Variants in DLG2 observed in about 807,000 individuals in gnomAD.
The protein encoded by DLG2 is disks large homolog 2.
A neutral mutation model predicts 132.5 loss-of-function variants in DLG2; 45 were observed. That is an observed-to-expected ratio of 0.34 (90% CI 0.27 to 0.44). The LOEUF is 0.44. DLG2 is among the 20% of genes least tolerant of loss of function. The probability of loss-of-function intolerance (pLI) is 1.00; values close to 1 mark genes in which losing one functional copy is unlikely to be tolerated. For synonymous variants in DLG2, 424 were observed against 419.6 expected (o/e 1.01, Z -0.13); for missense variants, 1,045 against 1,196.9 (o/e 0.87, Z 1.87).
intron 6 of DLG2, among the ~76,000 whole-genome samples, chr11:85,004,612 A>T (rs2058483775): frequency 6.6e-6 from 1 of 152,148 alleles, no homozygotes; most frequent in Non-Finnish European, 1.5e-5. Context: ...GATTCTGGAT[A>T]TTAGCCCTTT....
At chr11:84,882,384 G>A (rs1427734302) in intron 6 of DLG2, among the ~76,000 whole-genome samples, 1 of 152,028 alleles carries the variant, frequency 6.6e-6, no homozygotes, top group Non-Finnish European at 1.5e-5. Flanking sequence ...GAAAGTTTGG[G>A]ATTTTCTTTT....
At chr11:84,818,561 A>T (rs910208860) in intron 6 of DLG2, among the ~76,000 whole-genome samples, 2 of 151,892 alleles carry the variant, frequency 1.3e-5, no homozygotes, top group Non-Finnish European at 2.9e-5. Flanking sequence ...GACATTTACC[A>T]TGAAGCTAAA....
chr11:84,185,993 T>A (rs2096269317), intron 8 of DLG2, among the ~76,000 whole-genome samples: 1 of 152,184 alleles, frequency 6.6e-6, no homozygotes, highest in Non-Finnish European at 1.5e-5. Flanking sequence ...GTTATTCCAA[T>A]TGCCTGTGGC....
At chr11:84,375,410 G>A (rs999563565) in intron 7 of DLG2, among the ~76,000 whole-genome samples, 3 of 152,038 alleles carry the variant, frequency 2.0e-5, no homozygotes, top group Admixed American at 6.6e-5. Context: ...AACTGACAAT[G>A]CTGCTGAGTC....
intron 18 of DLG2, among the ~76,000 whole-genome samples, chr11:83,726,760 C>A (rs2090083183): frequency 6.6e-6 from 1 of 151,468 alleles, no homozygotes; most frequent in Non-Finnish European, 1.5e-5. Context: ...AACAAACAAA[C>A]AAACAAACAA....
chr11:85,579,929 C>T (rs2078406536), intron 3 of DLG2, among the ~76,000 whole-genome samples: 1 of 152,046 alleles, frequency 6.6e-6, no homozygotes, highest in Non-Finnish European at 1.5e-5. Flanking sequence ...TTGGCTGTGT[C>T]CCCACCCAAA....
intron 7 of DLG2, among the ~76,000 whole-genome samples, chr11:84,293,894 C>A (rs936107552): frequency 6.6e-6 from 1 of 152,132 alleles, no homozygotes; most frequent in South Asian, 2.1e-4. Flanking sequence ...TATGCAATAA[C>A]TAGATATTCT....
chr11:84,550,709 T>C (rs898165038), intron 6 of DLG2, among the ~76,000 whole-genome samples: 7 of 152,202 alleles, frequency 4.6e-5, no homozygotes, highest in African/African-American at 1.4e-4. Context: ...TGTGACACTA[T>C]AAAGACTAAA....
chr11:85,342,580 A>C (rs2082573643), intron 3 of DLG2, among the ~76,000 whole-genome samples: 1 of 152,244 alleles, frequency 6.6e-6, no homozygotes, highest in African/African-American at 2.4e-5. Flanking sequence ...AAAATGATTT[A>C]AAAGTTTAGT....
At chr11:85,314,670 G>C (rs1322767752) in intron 3 of DLG2, among the ~76,000 whole-genome samples, 1 of 151,930 alleles carries the variant, frequency 6.6e-6, no homozygotes, top group Non-Finnish European at 1.5e-5. Flanking sequence ...AAGAAAATGA[G>C]CAAAGAAACG....
intron 3 of DLG2, among the ~76,000 whole-genome samples, chr11:85,422,663 G>T (rs2090413238): frequency 6.6e-6 from 1 of 151,828 alleles, no homozygotes; most frequent in Non-Finnish European, 1.5e-5. Flanking sequence ...GCTGATTTTT[G>T]TATTTTTAGT....
At chr11:83,713,265 A>T (rs751696090) in intron 18 of DLG2, among the ~76,000 whole-genome samples, 4 of 152,216 alleles carry the variant, frequency 2.6e-5, no homozygotes, top group Non-Finnish European at 5.9e-5. Flanking sequence ...AATTTTCCCC[A>T]TAAGTTACAC....
rs2098711184 is a variant in DLG2 at position 84,372,679 on chromosome 11, A to G, written c.520-121388T>C. Among the ~76,000 whole-genome samples, 3 of 152,184 alleles carry G rather than the reference A, an allele frequency of 2.0e-5. No homozygotes were observed. In the South Asian group the frequency reaches 6.2e-4, roughly 31 times the overall value. On this transcript the variant is annotated intron_variant, in intron 7 of 27. Coordinates refer to ENST00000376104, the MANE Select transcript of DLG2 (RefSeq NM_001142699.3). ...GTGTTATAAATATACATTTCTCTAA[A>G]AAGTCACAAATGACAAATCAAGTTC... is the stretch of plus-strand genomic sequence containing the variant.
chr11:84,619,336 C>T (rs1438171131), intron 6 of DLG2, among the ~76,000 whole-genome samples: 3 of 151,402 alleles, frequency 2.0e-5, no homozygotes, highest in Admixed American at 6.6e-5. Context: ...TTATATAATA[C>T]CAAAGCACCT....
At chr11:85,080,023 G>C (rs2067040575) in intron 6 of DLG2, among the ~76,000 whole-genome samples, 1 of 152,088 alleles carries the variant, frequency 6.6e-6, no homozygotes, top group Non-Finnish European at 1.5e-5. Context: ...AAAAACCCAG[G>C]AGGCAAAGTC....
In DLG2 at chr11:84,502,406, CTT is replaced by C. The variant is rs747820525; in HGVS notation, c.519+32162_519+32163del. On this transcript the variant is annotated intron_variant, in intron 7 of 27. Transcript: ENST00000376104. ...TCTTTCTTTCTTTCTTTCTTTCTTT[CTT>C]TCTTTCTATACAGAGTCTCATGCTG... 9.9e-4 allele frequency among the ~76,000 whole-genome samples: 98 copies of C among 99,022 alleles called. 1 individual carries two copies. The highest frequency in any genetic ancestry group is 2.8e-3 in the South Asian group (9 of 3,252). The allele number at this position is 99,022 out of a possible 152,430, so 65.0% of individuals were successfully genotyped here.
chr11:84,179,839 C>A (rs1052417945), intron 8 of DLG2, among the ~76,000 whole-genome samples: 2 of 152,080 alleles, frequency 1.3e-5, no homozygotes, highest in Non-Finnish European at 2.9e-5. Flanking sequence ...ATAAGGGGGA[C>A]AACAGAGAAG....
chr11:84,542,571 A>C (rs2099377931), intron 6 of DLG2, among the ~76,000 whole-genome samples: 1 of 152,200 alleles, frequency 6.6e-6, no homozygotes, highest in Admixed American at 6.5e-5. Context: ...TGACTGATTG[A>C]GTGCTGCTTC....
chr11:83,858,100 C>G (rs1033803716), intron 16 of DLG2, among the ~76,000 whole-genome samples: 4 of 152,144 alleles, frequency 2.6e-5, no homozygotes, highest in African/African-American at 9.7e-5. Flanking sequence ...GACATTCGAT[C>G]TAGCACAATG....
Sources: gnomAD v4.1 joint callset for allele counts (sites outside exome capture counted in the v4.1 genomes callset) on GRCh38, gnomAD v4.1.1 for gene constraint, MANE v1.5 for transcripts, NCBI Gene and HGNC (gene_info 2026-07-23, HGNC 2026-07-21) for gene names.